CREB3L2: variants seen among roughly 807,000 people sequenced by gnomAD.
CREB3L2 encodes the protein cAMP responsive element binding protein 3 like 2.
In CREB3L2, 23 loss-of-function variants were observed where a neutral mutation model predicts 57.2. That is an observed-to-expected ratio of 0.40 (90% CI 0.29 to 0.57). The LOEUF is 0.57. CREB3L2 is among the 20% of genes least tolerant of loss of function. The pLI, the probability that CREB3L2 is intolerant of heterozygous loss-of-function variation, is 0.42. For synonymous variants in CREB3L2, 268 were observed against 265.1 expected, an observed-to-expected ratio of 1.01 and a Z score of -0.11; for missense variants, 628 against 634.7, an observed-to-expected ratio of 0.99 and a Z score of 0.11.
At chr7:137,912,179 C>T (rs774140884) in intron 4 of CREB3L2, among the ~76,000 whole-genome samples, 3 of 152,114 alleles carry the variant, frequency 2.0e-5, no homozygotes, top group Non-Finnish European at 4.4e-5. Flanking sequence ...GAGTTCAAGA[C>T]CAGCCTGACC....
At chr7:137,913,307 A>T (rs1365087523) in intron 3 of CREB3L2, among the ~76,000 whole-genome samples, 1 of 152,062 alleles carries the variant, frequency 6.6e-6, no homozygotes, top group African/African-American at 2.4e-5. Context: ...CTTCCTTGAG[A>T]CCACCCTGGG....
chr7:137,897,916 T>G (rs994204189), intron 8 of CREB3L2, among the ~76,000 whole-genome samples: 1 of 152,046 alleles, frequency 6.6e-6, no homozygotes, highest in Non-Finnish European at 1.5e-5. Context: ...CAAGTAAAAC[T>G]ATATCAAACT....
At chr7:137,933,489 C>A (rs999133915) in intron 1 of CREB3L2, among the ~76,000 whole-genome samples, 6 of 152,228 alleles carry the variant, frequency 3.9e-5, no homozygotes, top group African/African-American at 1.2e-4. Flanking sequence ...CAATAATAAA[C>A]GTTCTCTAAC....
rs1799167651 is a variant in CREB3L2, at chr7:137,876,885, C to A, written c.*3591G>T. Reference sequence around the variant, plus strand: ...TGTTGGCAAGGTTGGCATGAATGGGCCATTATTCAACTGGGGGTGGGATGT... The same window carrying A: ...TGTTGGCAAGGTTGGCATGAATGGGACATTATTCAACTGGGGGTGGGATGT... On this transcript the variant is annotated 3_prime_UTR_variant, in exon 12 of 12. Coordinates refer to ENST00000330387, the MANE Select transcript of CREB3L2 (RefSeq NM_194071.4). 1 of 232,098 alleles carries A rather than the reference C, an allele frequency of 4.3e-6. No homozygotes were observed. Among genetic ancestry groups the A allele is most frequent in the Non-Finnish European group, 8.5e-6 (1 of 117,352 alleles). The allele number at this position is 232,098 out of a possible 1,614,324, so 14.4% of individuals were successfully genotyped here. A position where few individuals can be genotyped will look rare whatever the true frequency, so the allele number is the denominator to read the frequency against.
intron 1 of CREB3L2, among the ~76,000 whole-genome samples, chr7:137,969,602 C>T (rs2117297513): frequency 6.6e-6 from 1 of 152,196 alleles, no homozygotes; most frequent in South Asian, 2.1e-4. Context: ...CCACCTGCCT[C>T]AGCCTCCCAA....
intron 1 of CREB3L2, among the ~76,000 whole-genome samples, chr7:137,944,455 G>A (rs1409813744): frequency 1.2e-4 from 18 of 152,210 alleles, no homozygotes; most frequent in Admixed American, 1.2e-3. Context: ...CACGGAAAAA[G>A]TAAACCTAAA....
At position 137,879,597 on chromosome 7, in the gene CREB3L2, C is replaced by G; in HGVS notation, c.*879G>C. 4.1e-6 allele frequency: 1 copy of G among 246,584 alleles called. No individual in the cohort carries two copies. Among genetic ancestry groups the G allele is most frequent in the Non-Finnish European group, 7.9e-6 (1 of 126,478 alleles). 15.3% of individuals were successfully genotyped at this position (246,584 alleles called of 1,614,324 possible). A position where few individuals can be genotyped will look rare whatever the true frequency, so the allele number is the denominator to read the frequency against. On this transcript the variant is annotated 3_prime_UTR_variant, in exon 12 of 12. Coordinates refer to ENST00000330387, the MANE Select transcript of CREB3L2 (RefSeq NM_194071.4). The stretch of plus-strand genomic sequence containing the variant: ...AAAAGAAAAAACAAAGGAAAGGAAA[C>G]AAAACATTGTCTGGAAAGACACGGG...
rs145849528 is a variant in CREB3L2 at position 137,890,514 on chromosome 7, T to C, written c.1044-5012A>G. 3.4e-3 allele frequency among the ~76,000 whole-genome samples: 524 copies of C among 152,316 alleles called. 4 individuals are homozygous for C. Among genetic ancestry groups the C allele is most frequent in the African/African-American group, 0.012 (481 of 41,560 alleles). Reference sequence around the variant, plus strand: ...ATCAGAGGATGACTGCTATGTGCCTTTAATCAAGTTAAGTTCTGAGTTTAG... The same window carrying C: ...ATCAGAGGATGACTGCTATGTGCCTCTAATCAAGTTAAGTTCTGAGTTTAG... On this transcript the variant is annotated intron_variant, in intron 8 of 11. Transcript: ENST00000330387.
At chr7:137,919,712 A>G (rs1021318285) in intron 2 of CREB3L2, among the ~76,000 whole-genome samples, 1 of 152,236 alleles carries the variant, frequency 6.6e-6, no homozygotes, top group African/African-American at 2.4e-5. Flanking sequence ...GCATCCATAC[A>G]ATGGAATATT....
intron 6 of CREB3L2, among the ~76,000 whole-genome samples, chr7:137,905,071 T>G (rs1799855611): frequency 6.6e-6 from 1 of 151,850 alleles, no homozygotes; most frequent in Non-Finnish European, 1.5e-5. Context: ...CTTGTCTTCC[T>G]TCCCTCTTTG....
chr7:137,922,451 T>TACAC (rs1211022123), intron 2 of CREB3L2: 7 of 101,806 alleles, frequency 6.9e-5, no homozygotes, highest in African/African-American at 5.6e-4. Context: ...TATATATATA[T>TACAC]ATACACACAT....
At chr7:137,978,019 T>C (rs1176744822) in intron 1 of CREB3L2, among the ~76,000 whole-genome samples, 1 of 152,122 alleles carries the variant, frequency 6.6e-6, no homozygotes, top group Non-Finnish European at 1.5e-5. Flanking sequence ...AATTCAAACT[T>C]GATGCCTTAC....
At chr7:137,989,089 G>C (rs1264532619) in intron 1 of CREB3L2, among the ~76,000 whole-genome samples, 1 of 152,226 alleles carries the variant, frequency 6.6e-6, no homozygotes, top group Non-Finnish European at 1.5e-5. Flanking sequence ...CAATTTTGAG[G>C]ACTGATATTA....
At chr7:137,981,704 T>C (rs760288446) in intron 1 of CREB3L2, among the ~76,000 whole-genome samples, 5 of 152,228 alleles carry the variant, frequency 3.3e-5, no homozygotes, top group Non-Finnish European at 7.3e-5. Flanking sequence ...AAAAGCCAGC[T>C]TCTACTATTG....
At chr7:137,882,266 C>A (rs55960820) in intron 11 of CREB3L2, 146 bp downstream of exon 11, 5,904 of 578,900 alleles carry the variant, frequency 0.01, 179 homozygotes, top group African/African-American at 0.08. Context: ...AGACTCTCTG[C>A]AGTCCCAGGT....
chr7:137,914,632 A>G (rs1257646987), intron 3 of CREB3L2, among the ~76,000 whole-genome samples: 2 of 149,968 alleles, frequency 1.3e-5, no homozygotes, highest in African/African-American at 4.9e-5. Flanking sequence ...CTTCTGTTTC[A>G]AAAAAAAAAG....
Position 138,001,595 on chromosome 7 carries a change from G to T in CREB3L2, c.102+9C>A, listed in dbSNP as rs775824947. The T allele has an allele frequency of 6.2e-7, 1 of 1,605,286 alleles. No individual in the cohort carries two copies. Among genetic ancestry groups the T allele is most frequent in the Non-Finnish European group, 8.5e-7 (1 of 1,174,228 alleles). ...GAAAGCCCTCCTGCCCCGCCCGCCG[G>T]GTCCTCACCGTGTGGTACATGAGGG... On this transcript the variant is annotated intron_variant, in intron 1 of 11. Coordinates refer to ENST00000330387, the MANE Select transcript of CREB3L2 (RefSeq NM_194071.4). The surrounding 1 kb of genome is among the most constrained non-coding windows in gnomAD (Gnocchi z 4.2).
At position 137,897,261 on chromosome 7, in the gene CREB3L2, C is replaced by T. The variant is rs986441706; in HGVS notation, c.1043+4093G>A. Among the ~76,000 whole-genome samples, 158 of 152,294 alleles carry T rather than the reference C, an allele frequency of 1.0e-3. 2 individuals carry two copies. The highest frequency in any genetic ancestry group is 8.8e-5 in the Non-Finnish European group (6 of 68,030). The stretch of plus-strand genomic sequence containing the variant: ...CCTTAATAATGCTGACAACAAAACA[C>T]ATAAACAAAAAACTTTCCCTGCTTT... On this transcript the variant is annotated intron_variant, in intron 8 of 11. Coordinates refer to ENST00000330387, the MANE Select transcript of CREB3L2 (RefSeq NM_194071.4).
intron 1 of CREB3L2, among the ~76,000 whole-genome samples, chr7:137,976,366 C>T (rs1292736700): frequency 6.6e-6 from 1 of 152,234 alleles, no homozygotes; most frequent in Non-Finnish European, 1.5e-5. Flanking sequence ...CTAAGCACCT[C>T]AATGCAGTGG....
Sources: gnomAD v4.1 joint callset for allele counts (sites outside exome capture counted in the v4.1 genomes callset) on GRCh38, gnomAD v4.1.1 for gene constraint, Gnocchi (gnomAD v3.1) non-coding constraint, MANE v1.5 for transcripts, NCBI Gene and HGNC (gene_info 2026-07-23, HGNC 2026-07-21) for gene names.